GLDC: variants seen among roughly 807,000 people sequenced by gnomAD.
GLDC encodes the protein glycine dehydrogenase (decarboxylating), mitochondrial.
In GLDC, 104 loss-of-function variants were observed where a neutral mutation model predicts 121.3. The ratio of observed to expected loss-of-function variants is 0.86; its 90% CI spans 0.73 to 1.01. The LOEUF is 1.01. GLDC is among the 50% of genes least tolerant of loss of function. GLDC has a pLI of 0.00. For missense variants in GLDC, 1,429 were observed against 1,306.6 expected (o/e 1.09, Z -1.44); for synonymous variants, 546 against 480.6 (o/e 1.14, Z -1.78).
At chr9:6,542,436 C>T (rs1049626144) in intron 21 of GLDC, 1 of 152,158 alleles carries the variant, frequency 6.6e-6, no homozygotes, top group Non-Finnish European at 1.5e-5. Flanking sequence ...GATGGGGTCT[C>T]ACTATGGCTA....
At chr9:6,580,855 T>G (rs968978100) in intron 15 of GLDC, among the ~76,000 whole-genome samples, 50 of 152,216 alleles carry the variant, frequency 3.3e-4, no homozygotes, top group African/African-American at 1.2e-3. Flanking sequence ...TTCCTTAATC[T>G]AGTTATATAA....
rs1052321673 is a variant in GLDC at position 6,565,203 on chromosome 9, T to C, written c.1926+151A>G. On this transcript the variant is annotated intron_variant, in intron 16 of 24. Transcript: ENST00000321612. Reference sequence around the variant, plus strand: ...TGGGATGTCTTGGAAGCAAGGATCATAATGGCTAGTTCACAGAAATTTGTT... The same window carrying C: ...TGGGATGTCTTGGAAGCAAGGATCACAATGGCTAGTTCACAGAAATTTGTT... 1.7e-5 allele frequency: 13 copies of C among 743,040 alleles called. No individual in the cohort carries two copies. The African/African-American group carries it at 2.2e-4, about 13-fold the overall frequency. 46.0% of individuals were successfully genotyped at this position (743,040 alleles called of 1,614,324 possible).
chr9:6,639,681 A>ATATATATATATATATATATC (rs1819590035), intron 2 of GLDC: 1 of 252,236 alleles, frequency 4.0e-6, no homozygotes, highest in East Asian at 1.2e-4. Flanking sequence ...ATATATATAT[A>ATATATATATATATATATATC]TATATATGGA....
chr9:6,583,658 A>C (rs958727739), intron 15 of GLDC, among the ~76,000 whole-genome samples: 3 of 152,234 alleles, frequency 2.0e-5, no homozygotes, highest in African/African-American at 7.2e-5. Flanking sequence ...CCTGAGCAAA[A>C]GAATGAGACC....
intron 15 of GLDC, among the ~76,000 whole-genome samples, chr9:6,579,921 G>T (rs754917056): frequency 1.3e-5 from 2 of 152,144 alleles, no homozygotes; most frequent in Non-Finnish European, 2.9e-5. Context: ...CTGAGTTCAG[G>T]TTGCTGCAAC....
chr9:6,621,910 A>T (rs1819104061), intron 2 of GLDC, among the ~76,000 whole-genome samples: 1 of 152,124 alleles, frequency 6.6e-6, no homozygotes, highest in Middle Eastern at 3.2e-3. Flanking sequence ...TTTAACTGGG[A>T]TTTAACTACT....
Position 6,579,710 on chromosome 9 carries a change from T to C in GLDC, c.1850+7431A>G, listed in dbSNP as rs143998360. 4.0e-4 allele frequency among the ~76,000 whole-genome samples: 61 copies of C among 152,316 alleles called. No individual in the cohort carries two copies. The East Asian group carries it at 9.1e-3, about 23-fold the overall frequency. ...GTTGCAGAATGTCCTTTTTACTTAA[T>C]ACTGAATGTCAGCCAGCTCTGAGAT... On this transcript the variant is annotated intron_variant, in intron 15 of 24. Coordinates refer to ENST00000321612, the MANE Select transcript of GLDC (RefSeq NM_000170.3).
intron 21 of GLDC, chr9:6,540,829 TC>T: frequency 6.6e-6 from 1 of 152,482 alleles, no homozygotes; most frequent in African/African-American, 2.4e-5. Context: ...AAATTACAGA[TC>T]TTTATTTGAG....
chr9:6,590,569 C>T (rs1188047168), intron 11 of GLDC, among the ~76,000 whole-genome samples: 1 of 152,204 alleles, frequency 6.6e-6, no homozygotes, highest in Non-Finnish European at 1.5e-5. Context: ...TGCTCCTCTT[C>T]CCCTTCCTTC....
At chr9:6,638,011 C>G (rs1819543092) in intron 2 of GLDC, among the ~76,000 whole-genome samples, 1 of 151,656 alleles carries the variant, frequency 6.6e-6, no homozygotes, top group Admixed American at 6.6e-5. Flanking sequence ...ATATTTTCAC[C>G]CCTCCACTTT....
At chr9:6,538,437 C>T (rs974871813) in intron 22 of GLDC, among the ~76,000 whole-genome samples, 4 of 152,230 alleles carry the variant, frequency 2.6e-5, no homozygotes, top group African/African-American at 9.6e-5. Context: ...TACAGATTAT[C>T]AGCTCTCTTC....
At chr9:6,631,071 C>T (rs1819365861) in intron 2 of GLDC, among the ~76,000 whole-genome samples, 1 of 152,218 alleles carries the variant, frequency 6.6e-6, no homozygotes, top group Admixed American at 6.5e-5. Flanking sequence ...CCCTTGCAGA[C>T]CAGCAGAGCT....
chr9:6,597,441 G>A (rs1263271622), intron 8 of GLDC, among the ~76,000 whole-genome samples: 1 of 152,098 alleles, frequency 6.6e-6, no homozygotes, highest in Non-Finnish European at 1.5e-5. Flanking sequence ...CTTTAGAAAA[G>A]CCAACAAGGC....
intron 3 of GLDC, among the ~76,000 whole-genome samples, chr9:6,618,802 G>A (rs1819017197): frequency 6.6e-6 from 1 of 152,122 alleles, no homozygotes; most frequent in African/African-American, 2.4e-5. Context: ...GAGGACCAGA[G>A]TGGACAGGAG....
At chr9:6,565,322 G>C in intron 16 of GLDC, 32 bp downstream of exon 16, 4 of 1,510,042 alleles carry the variant, frequency 2.6e-6, no homozygotes, top group Non-Finnish European at 3.7e-6. Flanking sequence ...TGTGCCCCAT[G>C]GTGAGCAAGC....
rs192663616 is a variant in GLDC at position 6,605,126 on chromosome 9, C to A, written c.861+5G>T. ...ACGGACCCCCCACAAGAAAGGTATA[C>A]CTACCCCACTCTGATGAGCTCTCTC... On this transcript the variant is annotated splice_donor_5th_base_variant and intron_variant, in intron 6 of 24. Transcript: ENST00000321612. 6.2e-7 allele frequency: 1 copy of A among 1,611,960 alleles called. No homozygotes were observed. The highest frequency in any genetic ancestry group is 1.3e-5 in the African/African-American group (1 of 74,948).
chr9:6,550,848 T>C lies in GLDC; in HGVS notation c.2524A>G (p.Lys842Glu). 9.3e-6 allele frequency: 15 copies of C among 1,613,878 alleles called. No individual in the cohort carries two copies. The highest frequency in any genetic ancestry group is 1.3e-5 in the Non-Finnish European group (15 of 1,179,700). ...TAILNANYMA[K>E]RLETHYRILF... ...ATTCTGTAGTGTGTTTCTAATCGCT[T>C]GGCCATGTAGTTGGCATTTAATATC... Residue 842 changes from lysine (K) to glutamate (E), a missense_variant, in exon 21 of 25, where the codon AAG becomes GAG. Lys to Glu is a moderately conservative substitution (Grantham distance 56, BLOSUM62 1). Coordinates refer to ENST00000321612, the MANE Select transcript of GLDC (RefSeq NM_000170.3).
At chr9:6,619,318 A>C (rs1381897381) in intron 3 of GLDC, among the ~76,000 whole-genome samples, 1 of 152,056 alleles carries the variant, frequency 6.6e-6, no homozygotes, top group Admixed American at 6.6e-5. Flanking sequence ...AGAAAGTGCT[A>C]GCAATAAAGC....
intron 2 of GLDC, among the ~76,000 whole-genome samples, chr9:6,629,142 T>C (rs1222857863): frequency 6.6e-6 from 1 of 151,952 alleles, no homozygotes; most frequent in Non-Finnish European, 1.5e-5. Flanking sequence ...GCGCCTAAAA[T>C]AGCAACAGTT....
Sources: allele counts gnomAD v4.1 joint callset (sites outside exome capture counted in the v4.1 genomes callset), GRCh38; gene constraint gnomAD v4.1.1; transcripts MANE v1.5; gene names NCBI Gene and HGNC (gene_info 2026-07-23, HGNC 2026-07-21).